Variants in NCR1 observed in about 807,000 individuals in gnomAD.
NCR1 encodes NK cell-activating receptor.
NCR1 carries 30 observed loss-of-function variants against 32.5 expected under a neutral mutation model. The observed-to-expected ratio is 0.92, with a 90% confidence interval of 0.69 to 1.25. The LOEUF is 1.25. Ranked by LOEUF, NCR1 falls within the 50% of genes most tolerant of loss-of-function variation. NCR1 has a pLI of 0.00. For synonymous variants in NCR1, 169 were observed against 143.4 expected, an observed-to-expected ratio of 1.18 and a Z score of -1.28; for missense variants, 369 against 380.7, an observed-to-expected ratio of 0.97 and a Z score of 0.26.
At chr19:54,934,402 T>C in the NCR1 span, 1 of 1,338,320 alleles carries the variant, frequency 7.5e-7, no homozygotes, top group Non-Finnish European at 1.1e-6. This position sits in a 1 kb window ranked among gnomAD's most constrained non-coding sequence, Gnocchi z 6.7. Flanking sequence ...AGGCGCCACG[T>C]GGGTGGCGCA....
the NCR1 span, among the ~76,000 whole-genome samples, chr19:54,900,287 A>G: frequency 2.3e-4 from 35 of 152,212 alleles, no homozygotes; most frequent in Admixed American, 4.6e-4. Context: ...AAAGAGAGTC[A>G]GCAAAGGGAG....
At chr19:54,911,330 CAG>C (rs960204755) in intron 5 of NCR1, among the ~76,000 whole-genome samples, 2 of 137,172 alleles carry the variant, frequency 1.5e-5, no homozygotes, top group Non-Finnish European at 3.1e-5. Context: ...GCCTGGGCGA[CAG>C]AGTGAGACTC....
At chr19:54,900,240 T>G in the NCR1 span, among the ~76,000 whole-genome samples, 6 of 152,150 alleles carry the variant, frequency 3.9e-5, no homozygotes, top group African/African-American at 1.4e-4. Context: ...GCAACAAGGC[T>G]GTTTATTTCA....
chr19:54,937,853 C>T, the NCR1 span, among the ~76,000 whole-genome samples: 7 of 142,436 alleles, frequency 4.9e-5, no homozygotes, highest in Admixed American at 7.4e-5. Flanking sequence ...GCTGAGATCG[C>T]GCCATTGCAC....
chr19:54,920,331 C>T (rs896764264), downstream of NCR1, among the ~76,000 whole-genome samples: 2 of 152,120 alleles, frequency 1.3e-5, no homozygotes, highest in Non-Finnish European at 2.9e-5. Context: ...CAGGCTCAGG[C>T]TCATCCAAGT....
the NCR1 span, among the ~76,000 whole-genome samples, chr19:54,935,300 G>C: frequency 3.3e-5 from 5 of 151,934 alleles, no homozygotes; most frequent in Admixed American, 6.6e-5. Context: ...CATGATCACA[G>C]GTCACCACAA....
downstream of NCR1, among the ~76,000 whole-genome samples, chr19:54,913,719 G>T (rs1041294474): frequency 9.9e-5 from 15 of 151,742 alleles, no homozygotes; most frequent in Non-Finnish European, 2.1e-4. Flanking sequence ...ATCACCTGAG[G>T]TCAGGAGTTC....
the NCR1 span, chr19:54,938,059 T>C: frequency 6.2e-7 from 1 of 1,613,540 alleles, no homozygotes; most frequent in South Asian, 1.1e-5. Flanking sequence ...TTTCTGCAGA[T>C]GACAGGTGCT....
At chr19:54,905,563 T>G (rs942711713), upstream of NCR1, among the ~76,000 whole-genome samples, 2 of 152,124 alleles carry the variant, frequency 1.3e-5, no homozygotes, top group Non-Finnish European at 2.9e-5. Flanking sequence ...AAGAAAAATA[T>G]GTTTTACGAC....
the NCR1 span, among the ~76,000 whole-genome samples, chr19:54,922,713 G>A: frequency 4.0e-5 from 6 of 149,176 alleles, no homozygotes; most frequent in African/African-American, 1.2e-4. Context: ...TGGGAGGCGC[G>A]GTTGCAGTGA....
At chr19:54,934,989 G>A in the NCR1 span, among the ~76,000 whole-genome samples, 16 of 152,104 alleles carry the variant, frequency 1.1e-4, no homozygotes, top group Admixed American at 5.2e-4. The surrounding 1 kb of genome is among the most constrained non-coding windows in gnomAD (Gnocchi z 6.7). Flanking sequence ...GAGCCACCGC[G>A]CCTGGCCCAG....
Position 54,906,749 on chromosome 19 carries a change from C to T in NCR1, c.297C>T (p.Ile99=), listed in dbSNP as rs1448982227. ...NSRMAGQYSC[I]YRVGELWSEP... Reference sequence around the variant, plus strand: ...GCATGGCAGGGCAATACAGCTGCATCTATCGGGTTGGGGAGCTCTGGTCAG... The same window carrying T: ...GCATGGCAGGGCAATACAGCTGCATTTATCGGGTTGGGGAGCTCTGGTCAG... The change falls in exon 3 of 7, where the codon ATC becomes ATT. Residue 99 remains isoleucine (I), a synonymous_variant. Coordinates refer to ENST00000291890, the MANE Select transcript of NCR1 (RefSeq NM_004829.7). 1.2e-6 allele frequency: 2 copies of T among 1,614,244 alleles called. No homozygotes were observed.
At chr19:54,937,984 A>T in the NCR1 span, 1 of 1,339,398 alleles carries the variant, frequency 7.5e-7, no homozygotes. Flanking sequence ...TTAAAAAACA[A>T]AAGTACAAGA....
chr19:54,927,092 A>T, the NCR1 span, among the ~76,000 whole-genome samples: 1 of 150,402 alleles, frequency 6.6e-6, no homozygotes, highest in African/African-American at 2.5e-5. Flanking sequence ...CATCCCAAAA[A>T]GCAAAAACCA....
At chr19:54,932,278 A>AT in the NCR1 span, among the ~76,000 whole-genome samples, 2 of 152,042 alleles carry the variant, frequency 1.3e-5, no homozygotes, top group Admixed American at 1.3e-4. Context: ...AAGTGCAAAA[A>AT]TTAGCCAGGC....
At chr19:54,935,806 A>G in the NCR1 span, among the ~76,000 whole-genome samples, 4 of 152,086 alleles carry the variant, frequency 2.6e-5, no homozygotes, top group Non-Finnish European at 5.9e-5. Context: ...TCAGGCTCCC[A>G]AAGTGCGAGG....
At chr19:54,906,370 C>T (rs759432629) in intron 2 of NCR1, 36 bp downstream of exon 2, 7 of 1,611,118 alleles carry the variant, frequency 4.3e-6, no homozygotes, top group East Asian at 2.2e-5. Context: ...GTCACTCTTC[C>T]GGATTCAGGC....
At chr19:54,903,656 T>TACAC (rs2067376610), upstream of NCR1, among the ~76,000 whole-genome samples, 1 of 137,286 alleles carries the variant, frequency 7.3e-6, no homozygotes, top group Admixed American at 8.0e-5. Flanking sequence ...CACATATATG[T>TACAC]ATATATGTAT....
At chr19:54,936,117 C>T in the NCR1 span, 6 of 733,956 alleles carry the variant, frequency 8.2e-6, no homozygotes, top group South Asian at 6.0e-5. Context: ...AGAGGAGAGG[C>T]CGACTCCCCC....
Sources: allele counts gnomAD v4.1 joint callset (sites outside exome capture counted in the v4.1 genomes callset), GRCh38; gene constraint gnomAD v4.1.1; non-coding constraint Gnocchi (gnomAD v3.1); transcripts MANE v1.5; gene names NCBI Gene and HGNC (gene_info 2026-07-23, HGNC 2026-07-21).